EYS: variants seen among roughly 807,000 people sequenced by gnomAD.
EYS encodes EGF-like photoreceptor maintenance factor.
EYS carries 250 observed loss-of-function variants against 282.1 expected under a neutral mutation model. The ratio of observed to expected loss-of-function variants is 0.89; its 90% confidence interval spans 0.80 to 0.98. The LOEUF (loss-of-function observed/expected upper bound fraction) is 0.98. Ranked by LOEUF, EYS falls within the 50% of genes least tolerant of loss-of-function variation. The pLI is 0.00. For missense variants in EYS, 4,016 were observed against 3,709.0 expected (o/e 1.08, Z -2.15); for synonymous variants, 1,355 against 1,282.9 (o/e 1.06, Z -1.20).
At chr6:64,119,627 T>TA (rs1056702088) in intron 31 of EYS, among the ~76,000 whole-genome samples, 1 of 152,302 alleles carries the variant, frequency 6.6e-6, no homozygotes, top group African/African-American at 2.4e-5. Context: ...TGGGTAATTT[T>TA]AAAAAAATAC....
intron 22 of EYS, among the ~76,000 whole-genome samples, chr6:64,774,668 T>C (rs1773626145): frequency 6.6e-6 from 1 of 151,958 alleles, no homozygotes; most frequent in Non-Finnish European, 1.5e-5. Flanking sequence ...CCTGATAACA[T>C]GTGCCTGCTG....
At chr6:64,450,341 C>G (rs912147268) in intron 26 of EYS, among the ~76,000 whole-genome samples, 1 of 152,154 alleles carries the variant, frequency 6.6e-6, no homozygotes, top group Non-Finnish European at 1.5e-5. Flanking sequence ...AATACAGGAG[C>G]ACCCAGATTC....
At chr6:65,060,418 A>G (rs971502413) in intron 12 of EYS, among the ~76,000 whole-genome samples, 1 of 151,990 alleles carries the variant, frequency 6.6e-6, no homozygotes, top group Non-Finnish European at 1.5e-5. Context: ...TTCATCCCCT[A>G]AAGTACAGTG....
At chr6:63,956,378 A>G (rs1419327461) in intron 35 of EYS, among the ~76,000 whole-genome samples, 1 of 151,876 alleles carries the variant, frequency 6.6e-6, no homozygotes, top group Non-Finnish European at 1.5e-5. Flanking sequence ...TCCATTACCA[A>G]CCCAAATCCT....
intron 19 of EYS, among the ~76,000 whole-genome samples, chr6:64,824,271 G>T (rs1764983610): frequency 6.6e-6 from 1 of 151,858 alleles, no homozygotes; most frequent in Non-Finnish European, 1.5e-5. Flanking sequence ...CAACAGAAAT[G>T]GAATGGGAAA....
At chr6:65,527,711 C>A (rs145153103) in intron 2 of EYS, among the ~76,000 whole-genome samples, 2 of 152,206 alleles carry the variant, frequency 1.3e-5, no homozygotes, top group South Asian at 4.2e-4. Flanking sequence ...TCAGGGAGAC[C>A]GGGCATACAC....
At chr6:64,555,311 GAAGGGGTAGAGAGGAGA>G (rs1765203605) in intron 26 of EYS, among the ~76,000 whole-genome samples, 1 of 151,834 alleles carries the variant, frequency 6.6e-6, no homozygotes, top group Non-Finnish European at 1.5e-5. Context: ...TTGAATCTTT[GAAGGGGTAGAGAGGAGA>G]AAGGTGGTTA....
At chr6:64,004,275 G>C (rs1768231390) in intron 33 of EYS, among the ~76,000 whole-genome samples, 1 of 151,424 alleles carries the variant, frequency 6.6e-6, no homozygotes, top group African/African-American at 2.4e-5. Context: ...TTATTCTCAA[G>C]GTTTTGAATA....
At chr6:65,398,255 C>A (rs1324043256) in intron 7 of EYS, among the ~76,000 whole-genome samples, 1 of 151,436 alleles carries the variant, frequency 6.6e-6, no homozygotes, top group Non-Finnish European at 1.5e-5. Flanking sequence ...TTATAGTAAC[C>A]AAAACAGCAT....
intron 22 of EYS, among the ~76,000 whole-genome samples, chr6:64,646,479 G>A (rs571310022): frequency 1.8e-4 from 27 of 152,134 alleles, no homozygotes; most frequent in Middle Eastern, 3.4e-3. Flanking sequence ...TCTGCTTTCA[G>A]ATATTTATGA....
chr6:64,692,917 A>G (rs527498637), intron 22 of EYS, among the ~76,000 whole-genome samples: 1 of 135,248 alleles, frequency 7.4e-6, no homozygotes, highest in African/African-American at 2.7e-5. Context: ...CTTGAAGTTC[A>G]GGAGTATGAT....
intron 2 of EYS, among the ~76,000 whole-genome samples, chr6:65,518,362 C>T (rs1054728997): frequency 7.2e-5 from 11 of 152,062 alleles, no homozygotes; most frequent in Non-Finnish European, 1.5e-4. Flanking sequence ...AAAGGGCAGG[C>T]AATACATCTC....
chr6:64,623,231 T>C (rs2149854393), intron 23 of EYS, among the ~76,000 whole-genome samples: 1 of 152,298 alleles, frequency 6.6e-6, no homozygotes, highest in East Asian at 1.9e-4. Context: ...GGCATGATAT[T>C]GTACAGATCT....
intron 14 of EYS, among the ~76,000 whole-genome samples, chr6:64,983,362 T>C (rs1335637724): frequency 1.3e-5 from 2 of 151,260 alleles, no homozygotes; most frequent in Non-Finnish European, 3.0e-5. Context: ...AATCTACTCA[T>C]ATTTCAGGGT....
At chr6:65,364,917 G>T (rs533989547) in intron 8 of EYS, among the ~76,000 whole-genome samples, 1 of 151,848 alleles carries the variant, frequency 6.6e-6, no homozygotes, top group African/African-American at 2.4e-5. Flanking sequence ...GAAAATCTCA[G>T]TGATAGTGTG....
chr6:65,632,254 T>C (rs1038493046), intron 2 of EYS, among the ~76,000 whole-genome samples: 3 of 152,178 alleles, frequency 2.0e-5, no homozygotes, highest in African/African-American at 7.2e-5. Flanking sequence ...CTGGATGCTT[T>C]ATAGGTACCA....
At chr6:64,803,013 G>T (rs1473187952) in intron 22 of EYS, among the ~76,000 whole-genome samples, 1 of 152,192 alleles carries the variant, frequency 6.6e-6, no homozygotes, top group African/African-American at 2.4e-5. Context: ...CTGGACCAGA[G>T]GTACTGCACG....
At chr6:65,656,220 T>C (rs897585551) in intron 1 of EYS, among the ~76,000 whole-genome samples, 2 of 151,888 alleles carry the variant, frequency 1.3e-5, no homozygotes, top group Non-Finnish European at 2.9e-5. Flanking sequence ...ATTGAAATTA[T>C]GCCAATTAGA....
intron 2 of EYS, among the ~76,000 whole-genome samples, chr6:65,613,161 T>A (rs1413661021): frequency 6.6e-6 from 1 of 151,936 alleles, no homozygotes; most frequent in Non-Finnish European, 1.5e-5. Context: ...TTGTCTTTCT[T>A]ATGAATATAA....
Sources: allele counts gnomAD v4.1 joint callset (sites outside exome capture counted in the v4.1 genomes callset), GRCh38; gene constraint gnomAD v4.1.1; transcripts MANE v1.5; gene names NCBI Gene and HGNC (gene_info 2026-07-23, HGNC 2026-07-21).